Variants in SLC35B1 observed in about 807,000 individuals in gnomAD.
SLC35B1 encodes solute carrier family 35 member B1.
A neutral mutation model predicts 36.6 loss-of-function variants in SLC35B1; 27 were observed. The observed-to-expected ratio is 0.74, with a 90% CI of 0.54 to 1.02. SLC35B1 has a LOEUF of 1.02. SLC35B1 is among the 50% of genes least tolerant of loss of function. SLC35B1 has a pLI of 0.00. For synonymous variants in SLC35B1, 162 were observed against 152.5 expected (o/e 1.06, Z -0.46); for missense variants, 321 against 383.2 (o/e 0.84, Z 1.35).
rs759951448 is a variant in SLC35B1 at position 49,702,970 on chromosome 17, G to T, written c.804C>A (p.Thr268=). The stretch of plus-strand genomic sequence containing the variant: ...TTCGAGTTGTAGTGATGATGGAGCA[G>T]GTCAGGGGACCAAAATACACAACCG... ...FMTVVYFGPL[T]CSIITTTRKF... Residue 268 remains threonine (T), a synonymous_variant, in exon 8 of 9, where the codon ACC becomes ACA. Coordinates refer to ENST00000240333, the MANE Select transcript of SLC35B1 (RefSeq NM_005827.4). 1.2e-6 allele frequency: 2 copies of T among 1,613,934 alleles called. No homozygotes were observed. Among genetic ancestry groups the T allele is most frequent in the African/African-American group, 2.7e-5 (2 of 74,890 alleles).
At chr17:49,703,939 G>T in intron 6 of SLC35B1, 161 bp downstream of exon 6, 1 of 786,836 alleles carries the variant, frequency 1.3e-6, no homozygotes, top group East Asian at 2.7e-5. Context: ...TCCTGCTGGT[G>T]CAGGTTTTTC....
Position 49,703,346 on chromosome 17 carries a change from GCGCA to G in SLC35B1, c.656-56_656-53del, listed in dbSNP as rs199506155. 2,981 of 664,206 alleles carry G rather than the reference GCGCA, an allele frequency of 4.5e-3. 6 individuals carry two copies. Among genetic ancestry groups the G allele is most frequent in the African/African-American group, 0.013 (309 of 24,300 alleles). 41.1% of individuals were successfully genotyped at this position (664,206 alleles called of 1,614,324 possible). ...GGCGCATTTTGTGCACACAAAATGT[GCGCA>G]CACACACACACACACACACACACAC... On this transcript the variant is annotated intron_variant, in intron 6 of 8. Transcript: ENST00000240333.
Position 49,701,269 on chromosome 17 carries a change from C to CA in SLC35B1, c.*188dup. 1 of 567,354 alleles carries CA rather than the reference C, an allele frequency of 1.8e-6. No individual in the cohort carries two copies. The highest frequency in any genetic ancestry group is 3.1e-6 in the Non-Finnish European group (1 of 317,624). The allele number at this position is 567,354 out of a possible 1,614,324, so 35.1% of individuals were successfully genotyped here. ...ATAGACTGCTCCAGGGCATGAAGAA[C>CA]AAAAACCACCACTCTGTCTTGTTAA... On this transcript the variant is annotated 3_prime_UTR_variant, in exon 9 of 9. Transcript: ENST00000240333.
upstream of SLC35B1, chr17:49,707,966 T>C: frequency 2.6e-6 from 4 of 1,542,004 alleles, no homozygotes; most frequent in South Asian, 4.8e-5. Context: ...GCGACCGCTG[T>C]CCAGCAGGGC....
At chr17:49,705,462 T>C in intron 4 of SLC35B1, 181 bp from the exon 5 acceptor site, 1 of 633,066 alleles carries the variant, frequency 1.6e-6, no homozygotes, top group South Asian at 2.0e-5. Flanking sequence ...GCAACAGGGT[T>C]AAGTATAAGA....
rs2073372432 is a variant in SLC35B1 at position 49,703,170 on chromosome 17, C to T, written c.762+18G>A. 1.9e-6 allele frequency: 3 copies of T among 1,596,302 alleles called. No homozygotes were observed. Among genetic ancestry groups the T allele is most frequent in the South Asian group, 1.1e-5 (1 of 90,692 alleles). ...TGCCAGAGTAGGGAAGCCAAGCCAT[C>T]CCCTTTCAAGCACTCACCTGACCCA... On this transcript the variant is annotated intron_variant, in intron 7 of 8. Transcript: ENST00000240333.
rs779785298 is a variant in SLC35B1, at chr17:49,706,289, C to T, written c.254G>A (p.Trp85Ter). The T allele has an allele frequency of 1.2e-6, 2 of 1,600,540 alleles. No homozygotes were observed. The highest frequency in any genetic ancestry group is 3.5e-5 in the Admixed American group (2 of 57,808). The change falls in exon 3 of 9, where the codon TGG becomes TAG. Residue 85 changes from tryptophan to a stop codon, truncating the protein, a stop_gained. Coordinates refer to ENST00000240333, the MANE Select transcript of SLC35B1 (RefSeq NM_005827.4). LOFTEE classifies it high-confidence loss of function. ...GGAGATAGAACAGGCAGCATAGAGC[C>T]AGCTCCGGGTACGATCCACCCTGGC... Reference protein sequence around the residue: ...DTARVDRTRSWLYAACSISYL... With the variant: ...DTARVDRTRS
chr17:49,707,497 G>A (rs2073434424), intron 1 of SLC35B1: 1 of 1,476,088 alleles, frequency 6.8e-7, no homozygotes, highest in Non-Finnish European at 9.0e-7. Flanking sequence ...TTAGAACCAA[G>A]CGGGGAAAAA....
intron 1 of SLC35B1, chr17:49,707,305 A>G: frequency 6.9e-7 from 1 of 1,449,450 alleles, no homozygotes; most frequent in South Asian, 1.2e-5. Context: ...AAAAAGACGG[A>G]GAGGAAACAT....
intron 6 of SLC35B1, 179 bp downstream of exon 6, chr17:49,703,921 C>CTGG (rs2073383152): frequency 3.0e-6 from 2 of 662,380 alleles, no homozygotes; most frequent in Non-Finnish European, 5.1e-6. Context: ...TAACAAGTAG[C>CTGG]AAACAAATCC....
intron 6 of SLC35B1, 54 bp from the exon 7 acceptor site, chr17:49,703,348 GCACACACA>G (rs10595474): frequency 1.9e-4 from 137 of 704,250 alleles, no homozygotes; most frequent in Middle Eastern, 8.1e-4. Flanking sequence ...CAAAATGTGC[GCACACACA>G]CACACACACA....
intron 3 of SLC35B1, 113 bp downstream of exon 3, chr17:49,706,091 A>G: frequency 2.9e-6 from 4 of 1,376,796 alleles, no homozygotes; most frequent in Non-Finnish European, 2.9e-6. Flanking sequence ...AATGTCTTAC[A>G]GGACCGTTAT....
In SLC35B1 at chr17:49,703,195, AG is replaced by A. The variant is rs1291786933; in HGVS notation, c.754del (p.Leu252TrpfsTer8). 1 of 1,612,258 alleles carries A rather than the reference AG, an allele frequency of 6.2e-7. No individual in the cohort carries two copies. The highest frequency in any genetic ancestry group is 2.2e-5 in the East Asian group (1 of 44,878). On this transcript the variant is annotated frameshift_variant, in exon 7 of 9. Transcript: ENST00000240333. LOFTEE classifies it high-confidence loss of function. The part of the protein sequence containing the change: ...NILLFGLTSA[L>X]GQSFIFMTVV... The stretch of plus-strand genomic sequence containing the variant: ...CCCCTTTCAAGCACTCACCTGACCC[AG>A]GGCACTGGTCAGCCCAAAGAGCAGG...
At chr17:49,705,720 G>C (rs764996731) in intron 4 of SLC35B1, 146 bp downstream of exon 4, 3 of 778,924 alleles carry the variant, frequency 3.9e-6, no homozygotes, top group Non-Finnish European at 6.8e-6. Flanking sequence ...ACAGATGACA[G>C]GATGGGCAGC....
chr17:49,707,356 A>G, intron 1 of SLC35B1: 1 of 1,430,966 alleles, frequency 7.0e-7, no homozygotes, highest in African/African-American at 1.4e-5. Context: ...AGGCAGGAGG[A>G]GACGGTATTT....
At chr17:49,705,063 T>G in intron 5 of SLC35B1, 61 bp downstream of exon 5, 37 of 1,572,886 alleles carry the variant, frequency 2.4e-5, no homozygotes, top group Non-Finnish European at 2.8e-5. Context: ...CCTGCCTAGG[T>G]GAGACTATCC....
In SLC35B1 at chr17:49,706,308, C is replaced by A. The variant is rs2073416313; in HGVS notation, c.235G>T (p.Val79Leu). 1.3e-6 allele frequency: 2 copies of A among 1,528,712 alleles called. No individual in the cohort carries two copies. The highest frequency in any genetic ancestry group is 2.2e-5 in the Admixed American group (1 of 45,080). The allele number at this position is 1,528,712 out of a possible 1,614,324, so 94.7% of individuals were successfully genotyped here. A position where few individuals can be genotyped will look rare whatever the true frequency, so the allele number is the denominator to read the frequency against. The change falls in exon 3 of 9, where the codon GTG (valine) becomes TTG (leucine). Residue 79 changes from valine to leucine, a missense_variant. By Grantham distance (32) the Val-to-Leu change is conservative. Coordinates refer to ENST00000240333, the MANE Select transcript of SLC35B1 (RefSeq NM_005827.4). ...ILIQFFDTAR[V>L]DRTRSWLYAA... ...TAGAGCCAGCTCCGGGTACGATCCA[C>A]CCTGGCAGTGTCAAAAAACTGGATC...
At chr17:49,702,806 AATTT>A in intron 8 of SLC35B1, 48 bp downstream of exon 8, 1 of 1,540,690 alleles carries the variant, frequency 6.5e-7, no homozygotes, top group Non-Finnish European at 8.8e-7. Flanking sequence ...TATACAAGTA[AATTT>A]TAGGAGAAAA....
chr17:49,706,102 CT>C (rs558001093), intron 3 of SLC35B1, 101 bp downstream of exon 3: 125,634 of 825,738 alleles, frequency 0.15, 675 homozygotes, highest in African/African-American at 0.21. Flanking sequence ...GGACCGTTAT[CT>C]TTTTTTTTTT....
Sources: gnomAD v4.1 joint callset for allele counts on GRCh38, gnomAD v4.1.1 for gene constraint, MANE v1.5 for transcripts, NCBI Gene and HGNC (gene_info 2026-07-23, HGNC 2026-07-21) for gene names.